UTRN: variants seen among roughly 807,000 people sequenced by gnomAD.
The protein encoded by UTRN is dystrophin-related protein 1.
UTRN carries 283 observed loss-of-function variants against 463.9 expected under a neutral mutation model. That is an observed-to-expected ratio of 0.61 (90% CI 0.55 to 0.67). The LOEUF is 0.67. Among genes scored for constraint, UTRN ranks in the 30% least tolerant of loss-of-function variants. The pLI is 0.00. For synonymous variants in UTRN, 1,442 were observed against 1,431.5 expected, an observed-to-expected ratio of 1.01 and a Z score of -0.17; for missense variants, 3,922 against 4,084.3, an observed-to-expected ratio of 0.96 and a Z score of 1.08.
At chr6:144,797,432 C>G (rs1327705125) in intron 63 of UTRN, among the ~76,000 whole-genome samples, 1 of 152,076 alleles carries the variant, frequency 6.6e-6, no homozygotes. Flanking sequence ...TGAGCTCAGG[C>G]AATCCGCTTG....
At chr6:144,394,824 A>T (rs769302793) in intron 2 of UTRN, among the ~76,000 whole-genome samples, 2 of 152,142 alleles carry the variant, frequency 1.3e-5, no homozygotes, top group African/African-American at 4.8e-5. Flanking sequence ...AAAATAATGA[A>T]ATAAATAAAG....
At chr6:144,642,188 A>T (rs1472505744) in intron 51 of UTRN, among the ~76,000 whole-genome samples, 1 of 152,198 alleles carries the variant, frequency 6.6e-6, no homozygotes, top group Non-Finnish European at 1.5e-5. Flanking sequence ...TAGACTACTT[A>T]TACAAATACC....
At chr6:144,818,615 A>T (rs1779288670) in intron 65 of UTRN, among the ~76,000 whole-genome samples, 1 of 152,248 alleles carries the variant, frequency 6.6e-6, no homozygotes, top group Non-Finnish European at 1.5e-5. Flanking sequence ...TTAACAGTGT[A>T]CTAAGAACAG....
rs528138805 is a variant in UTRN at position 144,438,871 on chromosome 6, A to G, written c.1368A>G (p.Leu456=). The change falls in exon 12 of 75, where the codon CTA becomes CTG. Residue 456 remains leucine, a synonymous_variant. Coordinates refer to ENST00000367545, the MANE Select transcript of UTRN (RefSeq NM_007124.3). ...TCPLDDDVKS[L]QKLLEEHKSL... Reference sequence around the variant, plus strand: ...CCCTGGATGATGATGTAAAATCTCTACAAAAGCTGCTAGAAGAACATAAAG... The same window carrying G: ...CCCTGGATGATGATGTAAAATCTCTGCAAAAGCTGCTAGAAGAACATAAAG... 255 of 1,614,192 alleles carry G rather than the reference A, an allele frequency of 1.6e-4. 3 individuals carry two copies. The South Asian group carries it at 2.6e-3, about 17-fold the overall frequency.
chr6:144,593,627 G>T (rs1426066425), intron 51 of UTRN, among the ~76,000 whole-genome samples: 2 of 152,180 alleles, frequency 1.3e-5, no homozygotes, highest in Non-Finnish European at 2.9e-5. Context: ...CAAGAACTCA[G>T]CCATGACTTG....
chr6:144,523,466 C>G (rs955145541), intron 41 of UTRN, among the ~76,000 whole-genome samples: 1 of 152,130 alleles, frequency 6.6e-6, no homozygotes, highest in Non-Finnish European at 1.5e-5. Flanking sequence ...CACACCACCA[C>G]GCCTGGCTAA....
chr6:144,438,648 G>A, intron 11 of UTRN, 97 bp from the exon 12 acceptor site: 1 of 1,436,362 alleles, frequency 7.0e-7, no homozygotes, highest in South Asian at 1.3e-5. Flanking sequence ...AGACAAGGGT[G>A]TCTTCCCTTG....
chr6:144,635,132 T>G (rs2128657287), intron 51 of UTRN, among the ~76,000 whole-genome samples: 1 of 146,256 alleles, frequency 6.8e-6, no homozygotes, highest in Admixed American at 6.9e-5. Context: ...CTCCAGTTAT[T>G]TGTGTGTTTT....
intron 54 of UTRN, among the ~76,000 whole-genome samples, chr6:144,747,163 G>A (rs1028256934): frequency 2.6e-5 from 4 of 152,154 alleles, no homozygotes. Flanking sequence ...GAGGTGAAGT[G>A]GAAATTGCTA....
At chr6:144,521,293 C>G (rs887249577) in intron 39 of UTRN, among the ~76,000 whole-genome samples, 1 of 151,600 alleles carries the variant, frequency 6.6e-6, no homozygotes, top group South Asian at 2.1e-4. Flanking sequence ...CCTGCACCCC[C>G]CCAAAAAAAT....
At chr6:144,395,379 T>C (rs1213830954) in intron 2 of UTRN, among the ~76,000 whole-genome samples, 1 of 151,630 alleles carries the variant, frequency 6.6e-6, no homozygotes, top group East Asian at 1.9e-4. Context: ...ACATATAATA[T>C]GGTTGATAGA....
chr6:144,503,574 A>G (rs1433625435), intron 34 of UTRN, among the ~76,000 whole-genome samples: 1 of 151,886 alleles, frequency 6.6e-6, no homozygotes, highest in Non-Finnish European at 1.5e-5. Flanking sequence ...GTGTGGTGTT[A>G]TTTCTGAGGC....
chr6:144,758,691 T>C (rs1256651370), intron 58 of UTRN, among the ~76,000 whole-genome samples: 1 of 152,122 alleles, frequency 6.6e-6, no homozygotes, highest in East Asian at 1.9e-4. Context: ...TATATTGTCA[T>C]GGAACAGAAT....
chr6:144,317,149 T>A (rs1257380441), intron 2 of UTRN, among the ~76,000 whole-genome samples: 4 of 152,218 alleles, frequency 2.6e-5, no homozygotes. Flanking sequence ...TAAGGCAGTT[T>A]GTGTTTCTCC....
Position 144,700,079 on chromosome 6 carries a change from C to G in UTRN, c.7653-8C>G, listed in dbSNP as rs1375042959. On this transcript the variant is annotated splice_region_variant and splice_polypyrimidine_tract_variant and intron_variant, in intron 52 of 74. Transcript: ENST00000367545. ...GTGGTTATTATTATTATTATTATCT[C>G]TCAACAGGGCCCATTTGGAGGCCAG... 1 of 1,572,192 alleles carries G rather than the reference C, an allele frequency of 6.4e-7. No individual in the cohort carries two copies. The highest frequency in any genetic ancestry group is 1.2e-5 in the South Asian group (1 of 82,618).
intron 23 of UTRN, among the ~76,000 whole-genome samples, chr6:144,468,258 T>A (rs1449402073): frequency 6.6e-6 from 1 of 152,172 alleles, no homozygotes; most frequent in East Asian, 1.9e-4. Flanking sequence ...GGAATTGTTT[T>A]AATGACCTTG....
At position 144,447,650 on chromosome 6, in the gene UTRN, A is replaced by C; in HGVS notation, c.1771A>C (p.Ser591Arg). Residue 591 changes from serine to arginine, a missense_variant, in exon 16 of 75, where the codon AGT (serine) becomes CGT (arginine). Around this residue, in one of 3 missense-constraint regions of UTRN, gnomAD observed 2,349 missense variants for 2,303.8 expected, o/e 1.02. Coordinates refer to ENST00000367545, the MANE Select transcript of UTRN (RefSeq NM_007124.3). ...GAAGCGTCAAACATTGGATCAGCTG[A>C]GTGAGATTGGCCAGGATGTGGGACA... is the stretch of plus-strand genomic sequence containing the variant. ...EMKRQTLDQL[S>R]EIGQDVGQLL... The C allele has an allele frequency of 6.2e-7, 1 of 1,614,050 alleles. No homozygotes were observed. Among genetic ancestry groups the C allele is most frequent in the Non-Finnish European group, 8.5e-7 (1 of 1,179,950 alleles).
chr6:144,484,631 T>C (rs1220941402), intron 27 of UTRN, among the ~76,000 whole-genome samples: 1 of 151,504 alleles, frequency 6.6e-6, no homozygotes. Context: ...TTAGTAGAGA[T>C]GGGGTTTCAC....
At chr6:144,358,723 A>G (rs544393524) in intron 2 of UTRN, among the ~76,000 whole-genome samples, 2 of 152,202 alleles carry the variant, frequency 1.3e-5, no homozygotes, top group African/African-American at 4.8e-5. Flanking sequence ...CTCCCACTTC[A>G]GTCTCCTCAG....
Sources: allele counts gnomAD v4.1 joint callset (sites outside exome capture counted in the v4.1 genomes callset), GRCh38; gene constraint gnomAD v4.1.1; regional missense constraint gnomAD v4.1.1; transcripts MANE v1.5; gene names NCBI Gene and HGNC (gene_info 2026-07-23, HGNC 2026-07-21).